The following ZNF541 variants were observed in gnomAD, a reference collection of about 807,000 sequenced individuals.
ZNF541 encodes the protein zinc finger protein 541.
In ZNF541, 23 loss-of-function variants were observed where a neutral mutation model predicts 123.5. The observed-to-expected ratio is 0.19, with a 90% confidence interval of 0.13 to 0.26. The LOEUF (loss-of-function observed/expected upper bound fraction) is 0.26, where lower values mean the gene tolerates loss of function less well. ZNF541 is among the 10% of genes least tolerant of loss of function. The pLI, the probability that ZNF541 is intolerant of heterozygous loss-of-function variation, is 1.00. For synonymous variants in ZNF541, 751 were observed against 754.5 expected (o/e 1.00, Z 0.08); for missense variants, 1,612 against 1,789.9 (o/e 0.90, Z 1.79).
intron 8 of ZNF541, 92 bp from the exon 9 acceptor site, chr19:47,538,531 G>C (rs763014510): frequency 1.5e-6 from 2 of 1,331,838 alleles, no homozygotes; most frequent in Non-Finnish European, 2.0e-6. Flanking sequence ...AAAGGAGACC[G>C]GCCAGAGACA....
chr19:47,521,213 T>C lies in ZNF541; in HGVS notation c.*11A>G, dbSNP rs1317746547. Reference sequence around the variant, plus strand: ...CACTGGAGGCCCCATTCGGACTTGCTGCCACGGGAGTCACCACTGCAGGGG... The same window carrying C: ...CACTGGAGGCCCCATTCGGACTTGCCGCCACGGGAGTCACCACTGCAGGGG... On this transcript the variant is annotated 3_prime_UTR_variant, in exon 17 of 17. Coordinates refer to ENST00000391901, the MANE Select transcript of ZNF541 (RefSeq NM_001277075.3). The surrounding 1 kb of genome is among the most constrained non-coding windows in gnomAD (Gnocchi z 4.2). 1 of 1,550,108 alleles carries C rather than the reference T, an allele frequency of 6.5e-7. No homozygotes were observed. Among genetic ancestry groups the C allele is most frequent in the Admixed American group, 2.0e-5 (1 of 50,970 alleles).
chr19:47,551,468 C>T (rs1970597165), intron 3 of ZNF541, among the ~76,000 whole-genome samples: 1 of 151,870 alleles, frequency 6.6e-6, no homozygotes, highest in Non-Finnish European at 1.5e-5. Context: ...AACTCCTGGG[C>T]GTGAGCAGTC....
At chr19:47,528,311 G>T (rs1216411598) in intron 14 of ZNF541, among the ~76,000 whole-genome samples, 1 of 115,744 alleles carries the variant, frequency 8.6e-6, no homozygotes, top group Non-Finnish European at 1.7e-5. Flanking sequence ...GCAAAACTCC[G>T]TCTCAAAAAA....
Position 47,555,954 on chromosome 19 carries a change from C to G in ZNF541, c.-98G>C. 1 of 1,225,262 alleles carries G rather than the reference C, an allele frequency of 8.2e-7. No individual in the cohort carries two copies. Among genetic ancestry groups the G allele is most frequent in the East Asian group, 2.6e-5 (1 of 38,836 alleles). The allele number at this position is 1,225,262 out of a possible 1,614,324, so 75.9% of individuals were successfully genotyped here. On this transcript the variant is annotated splice_region_variant and 5_prime_UTR_variant, in exon 3 of 17. Coordinates refer to ENST00000391901, the MANE Select transcript of ZNF541 (RefSeq NM_001277075.3). ...AGAGAGCCCTTGATGGCAACTAATTCCTGAAAATGAAGCAAGAAGAATGAA... is the reference window on the plus strand; with the variant it reads ...AGAGAGCCCTTGATGGCAACTAATTGCTGAAAATGAAGCAAGAAGAATGAA...
intron 2 of ZNF541, among the ~76,000 whole-genome samples, chr19:47,563,345 C>A (rs943864664): frequency 6.6e-6 from 1 of 152,118 alleles, no homozygotes; most frequent in African/African-American, 2.4e-5. Context: ...GACCACTCAG[C>A]GTACGTGAAA....
intron 2 of ZNF541, among the ~76,000 whole-genome samples, chr19:47,561,987 G>A (rs1162910110): frequency 6.6e-6 from 1 of 152,220 alleles, no homozygotes. Context: ...AGTGGCTCAC[G>A]CCTGTAATCC....
intron 9 of ZNF541, 148 bp downstream of exon 9, chr19:47,537,993 TG>T: frequency 1.1e-6 from 1 of 930,790 alleles, no homozygotes; most frequent in Non-Finnish European, 1.6e-6. Context: ...AGATCAGTCC[TG>T]GGGCACATCT....
chr19:47,529,439 CA>C, intron 13 of ZNF541, 137 bp downstream of exon 13: 1 of 819,102 alleles, frequency 1.2e-6, no homozygotes, highest in Middle Eastern at 3.4e-4. Flanking sequence ...GTCATCCCGA[CA>C]AGGACAGGCC....
chr19:47,532,302 C>T (rs762743874), intron 10 of ZNF541, 32 bp from the exon 11 acceptor site: 81 of 1,548,440 alleles, frequency 5.2e-5, no homozygotes, highest in Middle Eastern at 5.0e-4. Context: ...ATAAGGGAGA[C>T]GTACAAACAT....
chr19:47,525,917 C>CAAAA (rs34123668), intron 14 of ZNF541, among the ~76,000 whole-genome samples: 140 of 56,912 alleles, frequency 2.5e-3, no homozygotes, highest in Middle Eastern at 9.1e-3. Flanking sequence ...CTCCGTCTCA[C>CAAAA]AAAAAAAAAA....
At chr19:47,550,572 G>A (rs889432155) in intron 3 of ZNF541, among the ~76,000 whole-genome samples, 1 of 152,214 alleles carries the variant, frequency 6.6e-6, no homozygotes, top group East Asian at 1.9e-4. Context: ...ATATAGTTAT[G>A]AATCACATCA....
Position 47,527,662 on chromosome 19 carries a change from C to T in ZNF541, c.3570+1288G>A, listed in dbSNP as rs543840275. Reference sequence around the variant, plus strand: ...CCTCCCACCTTGGCCTCCCAAAGTGCTAGGATTACAGGCGTGAGCCACTGC... The same window carrying T: ...CCTCCCACCTTGGCCTCCCAAAGTGTTAGGATTACAGGCGTGAGCCACTGC... On this transcript the variant is annotated intron_variant, in intron 14 of 16. Transcript: ENST00000391901. Among the ~76,000 whole-genome samples the T allele has an allele frequency of 1.5e-4, 23 of 152,190 alleles. No homozygotes were observed. In the East Asian group the frequency reaches 4.3e-3, roughly 28 times the overall value.
intron 12 of ZNF541, 23 bp downstream of exon 12, chr19:47,531,619 A>G (rs1379712902): frequency 6.6e-7 from 1 of 1,504,034 alleles, no homozygotes; most frequent in South Asian, 1.2e-5. Flanking sequence ...GAAAGCAGGG[A>G]GGGTCCCCTT....
chr19:47,523,025 C>T (rs963527127), intron 14 of ZNF541, among the ~76,000 whole-genome samples: 6 of 151,200 alleles, frequency 4.0e-5, no homozygotes, highest in Admixed American at 3.3e-4. Flanking sequence ...GGATTACAGG[C>T]CTGAACCACC....
intron 14 of ZNF541, among the ~76,000 whole-genome samples, chr19:47,527,786 G>T (rs1473374006): frequency 1.3e-5 from 2 of 151,234 alleles, no homozygotes; most frequent in Non-Finnish European, 2.9e-5. Context: ...CGCAACCTCC[G>T]CTTCCCGGGT....
At position 47,544,938 on chromosome 19, in the gene ZNF541, G is replaced by A. The variant is rs1300447624; in HGVS notation, c.1591C>T (p.Pro531Ser). 5.2e-6 allele frequency: 8 copies of A among 1,535,514 alleles called. No individual in the cohort carries two copies. The African/African-American group carries it at 1.1e-4, about 21-fold the overall frequency. The change falls in exon 5 of 17, where the codon CCT (proline) becomes TCT (serine). Residue 531 changes from proline to serine, a missense_variant. Transcript: ENST00000391901. ...LQEAQKAGGL[P>S]ADASPLFRQL... ...CGGAAGAGCGGCGAGGCATCCGCAG[G>A]GAGCCCGCCTGCCTTCTGGGCCTCC...
Position 47,549,139 on chromosome 19 carries a change from G to C in ZNF541, c.548+106C>G, listed in dbSNP as rs577445218. 3 of 1,474,458 alleles carry C rather than the reference G, an allele frequency of 2.0e-6. No individual in the cohort carries two copies. In the African/African-American group the frequency reaches 4.2e-5, roughly 21 times the overall value. 91.3% of individuals were successfully genotyped at this position (1,474,458 alleles called of 1,614,324 possible). On this transcript the variant is annotated intron_variant, in intron 4 of 16. Transcript: ENST00000391901. ...TAATACACGTCTGGAAAACCCAACAGAGGACGAGACAGCAGGTTGATCTGG... is the reference window on the plus strand; with the variant it reads ...TAATACACGTCTGGAAAACCCAACACAGGACGAGACAGCAGGTTGATCTGG...
chr19:47,559,849 C>CAAAA (rs36037649), intron 2 of ZNF541, among the ~76,000 whole-genome samples: 1 of 86,954 alleles, frequency 1.2e-5, no homozygotes. Flanking sequence ...GACTCTGTCT[C>CAAAA]AAAAAAAAAA....
intron 14 of ZNF541, among the ~76,000 whole-genome samples, chr19:47,523,153 C>T (rs533944478): frequency 6.6e-6 from 1 of 150,686 alleles, no homozygotes; most frequent in East Asian, 1.9e-4. Context: ...CTCAGCCTCC[C>T]GAGTAGCTGG....
Sources: gnomAD v4.1 joint callset for allele counts (sites outside exome capture counted in the v4.1 genomes callset) on GRCh38, gnomAD v4.1.1 for gene constraint, Gnocchi (gnomAD v3.1) non-coding constraint, MANE v1.5 for transcripts, NCBI Gene and HGNC (gene_info 2026-07-23, HGNC 2026-07-21) for gene names.